The following PTPRN2 variants were observed in gnomAD, a reference collection of about 807,000 sequenced individuals.
PTPRN2 encodes protein tyrosine phosphatase receptor type N2.
PTPRN2 carries 74 observed loss-of-function variants against 118.8 expected under a neutral mutation model. The observed-to-expected ratio is 0.62, with a 90% CI of 0.52 to 0.76. The LOEUF (loss-of-function observed/expected upper bound fraction) is 0.76, where lower values mean the gene tolerates loss of function less well. Ranked by LOEUF, PTPRN2 falls within the 30% of genes least tolerant of loss-of-function variation. PTPRN2 has a pLI of 0.00. For missense variants in PTPRN2, 1,481 were observed against 1,394.4 expected (o/e 1.06, Z -0.99); for synonymous variants, 641 against 608.0 (o/e 1.05, Z -0.80).
chr7:158,225,544 G>C (rs1392846885), intron 3 of PTPRN2, among the ~76,000 whole-genome samples: 1 of 152,212 alleles, frequency 6.6e-6, no homozygotes, highest in Non-Finnish European at 1.5e-5. Flanking sequence ...GGCACATACG[G>C]TTTGAGGGCA....
At chr7:158,351,898 T>A (rs149856263) in intron 2 of PTPRN2, among the ~76,000 whole-genome samples, 3,912 of 33,762 alleles carry the variant, frequency 0.12, 218 homozygotes, top group African/African-American at 0.36. Flanking sequence ...TCGCCTCCTG[T>A]CCGCTCCCCT....
At chr7:158,329,682 G>A (rs1476821789) in intron 2 of PTPRN2, among the ~76,000 whole-genome samples, 1 of 152,194 alleles carries the variant, frequency 6.6e-6, no homozygotes, top group Non-Finnish European at 1.5e-5. Context: ...CAGCCTTCAT[G>A]GACTAAGACA....
intron 12 of PTPRN2, among the ~76,000 whole-genome samples, chr7:157,724,710 A>G (rs1487648432): frequency 1.3e-5 from 2 of 152,214 alleles, no homozygotes; most frequent in Non-Finnish European, 2.9e-5. Flanking sequence ...ATATCAGGCC[A>G]TTTCTTGACT....
At chr7:157,656,274 G>T in intron 14 of PTPRN2, 83 bp downstream of exon 14, 1 of 1,373,170 alleles carries the variant, frequency 7.3e-7, no homozygotes, top group Non-Finnish European at 9.9e-7. Context: ...GAGGGTCAGC[G>T]GGCGCAGATG....
Position 157,617,872 on chromosome 7 carries a change from C to G in PTPRN2, c.2344+3490G>C, listed in dbSNP as rs1217343958. ...TTGTTTGTCCTGGTTCTCTCTCTCTCTCTCGTTATTACAACATAGAGCCAA... is the reference window on the plus strand; with the variant it reads ...TTGTTTGTCCTGGTTCTCTCTCTCTGTCTCGTTATTACAACATAGAGCCAA... On this transcript the variant is annotated intron_variant, in intron 15 of 22. Coordinates refer to ENST00000389418, the MANE Select transcript of PTPRN2 (RefSeq NM_002847.5). This position sits in a 1 kb window ranked among gnomAD's most constrained non-coding sequence, Gnocchi z 7.5. 6.6e-6 allele frequency: 1 copy of G among 152,278 alleles called. No homozygotes were observed. Among genetic ancestry groups the G allele is most frequent in the Non-Finnish European group, 1.5e-5 (1 of 68,050 alleles). 9.4% of individuals were successfully genotyped at this position (152,278 alleles called of 1,614,324 possible). A position where few individuals can be genotyped will look rare whatever the true frequency, so the allele number is the denominator to read the frequency against.
At chr7:158,069,256 G>A (rs185613852) in intron 11 of PTPRN2, among the ~76,000 whole-genome samples, 51 of 152,320 alleles carry the variant, frequency 3.3e-4, no homozygotes, top group Admixed American at 1.2e-3. Flanking sequence ...TGGCATGGTT[G>A]TGACCATGGT....
At chr7:158,359,053 G>A (rs1808620416) in intron 2 of PTPRN2, among the ~76,000 whole-genome samples, 1 of 152,184 alleles carries the variant, frequency 6.6e-6, no homozygotes, top group African/African-American at 2.4e-5. Flanking sequence ...GGTTGATGAT[G>A]AGCATGACCT....
In PTPRN2 at chr7:158,121,993, C is replaced by T. The variant is rs113887366; in HGVS notation, c.1557-11078G>A. Among the ~76,000 whole-genome samples the T allele has an allele frequency of 3.3e-3, 509 of 152,298 alleles. 5 individuals are homozygous for T. Among genetic ancestry groups the T allele is most frequent in the African/African-American group, 0.012 (483 of 41,552 alleles). ...AAGCCACAGCCATCATCTGTCATTC[C>T]GAGGCCTGAACTTCCTTAGAAAGCA... On this transcript the variant is annotated intron_variant, in intron 9 of 22. Transcript: ENST00000389418.
intron 14 of PTPRN2, among the ~76,000 whole-genome samples, chr7:157,636,781 T>G (rs1029789041): frequency 3.3e-5 from 5 of 152,234 alleles, no homozygotes; most frequent in African/African-American, 1.2e-4. Context: ...TCTAAACAGA[T>G]TAAACTCCCC....
At chr7:158,313,026 ATC>A (rs1419861395) in intron 3 of PTPRN2, among the ~76,000 whole-genome samples, 1 of 151,308 alleles carries the variant, frequency 6.6e-6, no homozygotes, top group African/African-American at 2.4e-5. Context: ...GTGTGTGGGT[ATC>A]TACACATGAG....
At chr7:158,130,546 A>T (rs4909267) in intron 9 of PTPRN2, among the ~76,000 whole-genome samples, 46,995 of 150,032 alleles carry the variant, frequency 0.31, 7,442 homozygotes, top group East Asian at 0.43. Context: ...AGATACACAC[A>T]TCTACCCCAC....
intron 16 of PTPRN2, among the ~76,000 whole-genome samples, chr7:157,600,223 A>C (rs954810520): frequency 7.8e-5 from 8 of 102,612 alleles, no homozygotes; most frequent in African/African-American, 1.2e-4. Context: ...CCACCTGCCC[A>C]CCTCTCCACC....
chr7:157,883,465 C>CAT (rs1796277328), intron 12 of PTPRN2, among the ~76,000 whole-genome samples: 1 of 148,604 alleles, frequency 6.7e-6, no homozygotes, highest in Admixed American at 6.7e-5. Flanking sequence ...TCGGAATGCA[C>CAT]CACCCCAAAA....
At chr7:158,357,146 G>C (rs1475202465) in intron 2 of PTPRN2, among the ~76,000 whole-genome samples, 3 of 152,220 alleles carry the variant, frequency 2.0e-5, no homozygotes, top group Admixed American at 1.3e-4. Context: ...AAGAGGAACC[G>C]GACGAATGAT....
rs376581886 is a variant in PTPRN2, at chr7:158,555,750, C to A, written c.112+31808G>T. Among the ~76,000 whole-genome samples the A allele has an allele frequency of 5.3e-5, 8 of 152,214 alleles. No individual in the cohort carries two copies. In the East Asian group the frequency reaches 1.2e-3, roughly 22 times the overall value. On this transcript the variant is annotated intron_variant, in intron 1 of 22. Coordinates refer to ENST00000389418, the MANE Select transcript of PTPRN2 (RefSeq NM_002847.5). The surrounding 1 kb of genome is among the most constrained non-coding windows in gnomAD (Gnocchi z 4.7). ...ACAGGTGGCCGGTGTTGCTTCCCAG[C>A]GGGTTCCACCCACTGCCTAGCAGGC...
chr7:158,265,245 A>C (rs1345532492), intron 3 of PTPRN2, among the ~76,000 whole-genome samples: 1 of 151,932 alleles, frequency 6.6e-6, no homozygotes. Context: ...TGGTGCTGGA[A>C]ACACCCCCAT....
At chr7:157,604,169 C>T (rs2150582725) in intron 15 of PTPRN2, 94 bp from the exon 16 acceptor site, 1 of 1,138,390 alleles carries the variant, frequency 8.8e-7, no homozygotes, top group South Asian at 1.3e-5. Flanking sequence ...CCCAGCAGCA[C>T]AGGACCCCTG....
intron 5 of PTPRN2, among the ~76,000 whole-genome samples, chr7:158,171,308 C>CATATATATACACACAT (rs1823650213): frequency 2.1e-5 from 1 of 48,678 alleles, no homozygotes; most frequent in Non-Finnish European, 3.7e-5. Flanking sequence ...TATATACACA[C>CATATATATACACACAT]ATATATATAT....
chr7:158,194,029 T>C (rs771101634), intron 4 of PTPRN2, among the ~76,000 whole-genome samples: 2 of 151,978 alleles, frequency 1.3e-5, no homozygotes, highest in African/African-American at 2.4e-5. Context: ...GAGGCTGCAG[T>C]AAGCTACGAT....
Sources: gnomAD v4.1 joint callset for allele counts (sites outside exome capture counted in the v4.1 genomes callset) on GRCh38, gnomAD v4.1.1 for gene constraint, Gnocchi (gnomAD v3.1) non-coding constraint, MANE v1.5 for transcripts, NCBI Gene and HGNC (gene_info 2026-07-23, HGNC 2026-07-21) for gene names.